The following AK5 variants were observed in gnomAD, a reference collection of about 807,000 sequenced individuals.
AK5 encodes the protein adenylate kinase isoenzyme 5.
A neutral mutation model predicts 69.5 loss-of-function variants in AK5; 27 were observed. The observed-to-expected ratio is 0.39, with a 90% CI of 0.29 to 0.54. The LOEUF (loss-of-function observed/expected upper bound fraction) is 0.54, where lower values mean the gene tolerates loss of function less well. Ranked by LOEUF, AK5 falls within the 20% of genes least tolerant of loss-of-function variation. AK5 has a pLI of 0.71. For missense variants in AK5, 531 were observed against 700.4 expected (o/e 0.76, Z 2.73); for synonymous variants, 260 against 244.4 (o/e 1.06, Z -0.60).
chr1:77,515,751 A>C (rs1468110812), intron 10 of AK5, among the ~76,000 whole-genome samples: 1 of 152,026 alleles, frequency 6.6e-6, no homozygotes, highest in African/African-American at 2.4e-5. Flanking sequence ...CTTGATCATT[A>C]AAAAAAAGGA....
intron 13 of AK5, among the ~76,000 whole-genome samples, chr1:77,543,070 G>A (rs189050939): frequency 1.5e-3 from 236 of 152,328 alleles, no homozygotes; most frequent in African/African-American, 5.0e-3. Context: ...TAGTTTGACC[G>A]TTTCCATTAG....
In AK5 at chr1:77,282,476, T is replaced by C. The variant is rs1570304054; in HGVS notation, c.60+103T>C. 9.8e-6 allele frequency: 14 copies of C among 1,433,752 alleles called. No homozygotes were observed. In the South Asian group the frequency reaches 1.3e-4, roughly 14 times the overall value. The allele number at this position is 1,433,752 out of a possible 1,614,324, so 88.8% of individuals were successfully genotyped here. The stretch of plus-strand genomic sequence containing the variant: ...CGTCCCACCTTCCCCACACGGGGCA[T>C]GTAATGAAGGGGCTTGTAGAAGCGC... On this transcript the variant is annotated intron_variant, in intron 1 of 13. Coordinates refer to ENST00000354567, the MANE Select transcript of AK5 (RefSeq NM_174858.3).
intron 8 of AK5, among the ~76,000 whole-genome samples, chr1:77,444,272 T>TAA (rs1652546734): frequency 4.8e-5 from 3 of 61,904 alleles, no homozygotes; most frequent in East Asian, 7.4e-4. Flanking sequence ...ATATATAGTA[T>TAA]ATATACACAA....
rs561009414 is a variant in AK5 at position 77,506,121 on chromosome 1, C to G, written c.1148-12443C>G. On this transcript the variant is annotated intron_variant, in intron 10 of 13. Coordinates refer to ENST00000354567, the MANE Select transcript of AK5 (RefSeq NM_174858.3). The stretch of plus-strand genomic sequence containing the variant: ...GAGTGAAGTGACTTTTGAAAAGCAG[C>G]TCTGGTCTGTCAATTTGGAAAAATA... Among the ~76,000 whole-genome samples, 7 of 152,094 alleles carry G rather than the reference C, an allele frequency of 4.6e-5. No homozygotes were observed. The East Asian group carries it at 1.4e-3, about 29-fold the overall frequency.
intron 13 of AK5, among the ~76,000 whole-genome samples, chr1:77,552,014 G>C (rs1158079633): frequency 6.6e-6 from 1 of 152,080 alleles, no homozygotes; most frequent in East Asian, 1.9e-4. Context: ...AGGCCCATCT[G>C]TGCACTTCCT....
In AK5 at chr1:77,521,817, T is replaced by G; in HGVS notation, c.1312-10T>G. The G allele has an allele frequency of 3.7e-6, 6 of 1,610,262 alleles. No individual in the cohort carries two copies. Among genetic ancestry groups the G allele is most frequent in the Non-Finnish European group, 5.1e-6 (6 of 1,176,744 alleles). ...GAGCTCAGGTCCTGACCACTCTCGC[T>G]TTGCTCCAGGGCATCGTTTTGGAGC... On this transcript the variant is annotated splice_polypyrimidine_tract_variant and intron_variant, in intron 11 of 13. Coordinates refer to ENST00000354567, the MANE Select transcript of AK5 (RefSeq NM_174858.3).
chr1:77,377,608 A>G (rs1377365530), intron 6 of AK5, among the ~76,000 whole-genome samples: 1 of 152,186 alleles, frequency 6.6e-6, no homozygotes, highest in Admixed American at 6.5e-5. Flanking sequence ...GTGTATGATC[A>G]TGTCACTCAA....
At position 77,368,280 on chromosome 1, in the gene AK5, ATG is replaced by A. The variant is rs370680803; in HGVS notation, c.891+27714_891+27715del. On this transcript the variant is annotated intron_variant, in intron 6 of 13. Transcript: ENST00000354567. ...TATATATGTTATATATATGTTATAT[ATG>A]TTATATATATGTTATATATAATATA... Among the ~76,000 whole-genome samples, 342 of 102,450 alleles carry A rather than the reference ATG, an allele frequency of 3.3e-3. 4 individuals carry two copies. The highest frequency in any genetic ancestry group is 4.5e-3 in the Non-Finnish European group (229 of 50,608). 67.2% of individuals were successfully genotyped at this position (102,450 alleles called of 152,430 possible). A position where few individuals can be genotyped will look rare whatever the true frequency, so the allele number is the denominator to read the frequency against.
chr1:77,453,685 C>T (rs1159034890), intron 8 of AK5, among the ~76,000 whole-genome samples: 1 of 152,194 alleles, frequency 6.6e-6, no homozygotes, highest in East Asian at 1.9e-4. Context: ...TCTTCCTCTT[C>T]CAAATCTCTA....
intron 6 of AK5, among the ~76,000 whole-genome samples, chr1:77,367,120 T>C (rs183259449): frequency 4.6e-5 from 7 of 152,184 alleles, no homozygotes; most frequent in Admixed American, 2.6e-4. Context: ...ATGAGTTCAT[T>C]ATTTAATAGT....
rs116657878 is a variant in AK5 at position 77,510,842 on chromosome 1, T to A, written c.1148-7722T>A. On this transcript the variant is annotated intron_variant, in intron 10 of 13. Coordinates refer to ENST00000354567, the MANE Select transcript of AK5 (RefSeq NM_174858.3). ...CATACTCAGATACCATAGAGCCTAA[T>A]AAGGAAGACAAAATTTTAAGTAAAT... Among the ~76,000 whole-genome samples, 898 of 152,032 alleles carry A rather than the reference T, an allele frequency of 5.9e-3. 16 individuals are homozygous for A. The highest frequency in any genetic ancestry group is 0.02 in the African/African-American group (846 of 41,468).
At chr1:77,430,725 A>G (rs940331819) in intron 8 of AK5, among the ~76,000 whole-genome samples, 17 of 152,226 alleles carry the variant, frequency 1.1e-4, no homozygotes, top group Non-Finnish European at 2.2e-4. Flanking sequence ...GAAAATCAGT[A>G]GAATGTGGTG....
At chr1:77,558,309 C>T (rs1660225701) in intron 13 of AK5, among the ~76,000 whole-genome samples, 1 of 152,110 alleles carries the variant, frequency 6.6e-6, no homozygotes, top group Admixed American at 6.5e-5. Flanking sequence ...ATTTTGTGTT[C>T]CCACAAGCAA....
At chr1:77,480,654 G>C (rs1376443343) in intron 8 of AK5, among the ~76,000 whole-genome samples, 1 of 152,130 alleles carries the variant, frequency 6.6e-6, no homozygotes, top group Admixed American at 6.5e-5. Flanking sequence ...ACATTACCTA[G>C]ATAGATTCAA....
intron 6 of AK5, among the ~76,000 whole-genome samples, chr1:77,365,331 T>TA (rs1171820305): frequency 3.3e-5 from 5 of 152,104 alleles, no homozygotes; most frequent in Admixed American, 6.6e-5. Context: ...TTTACTCTGT[T>TA]AAAAAAAATT....
chr1:77,297,200 T>C (rs1557472411), intron 3 of AK5, among the ~76,000 whole-genome samples: 1 of 152,350 alleles, frequency 6.6e-6, no homozygotes, highest in South Asian at 2.1e-4. Flanking sequence ...TCATTGTTTT[T>C]TATATTCCAC....
intron 6 of AK5, among the ~76,000 whole-genome samples, chr1:77,373,150 C>T (rs950801006): frequency 2.0e-5 from 3 of 152,128 alleles, no homozygotes; most frequent in Admixed American, 2.0e-4. Context: ...CGTTTATACT[C>T]CCACCAGTTG....
At chr1:77,313,973 G>C (rs1228010945) in intron 5 of AK5, 2 of 462,774 alleles carry the variant, frequency 4.3e-6, no homozygotes, top group African/African-American at 4.0e-5. Flanking sequence ...TACAGAGCTG[G>C]CTATTTGCTT....
rs535037534 is a variant in AK5 at position 77,490,639 on chromosome 1, T to C, written c.1147+4287T>C. ...CAAGATATAAGAACCTGCACTGATATACAAGACAGGAGCTCAATCACTTCT... is the reference window on the plus strand; with the variant it reads ...CAAGATATAAGAACCTGCACTGATACACAAGACAGGAGCTCAATCACTTCT... On this transcript the variant is annotated intron_variant, in intron 10 of 13. Coordinates refer to ENST00000354567, the MANE Select transcript of AK5 (RefSeq NM_174858.3). 7.2e-5 allele frequency among the ~76,000 whole-genome samples: 11 copies of C among 152,306 alleles called. No individual in the cohort carries two copies. The South Asian group carries it at 2.3e-3, about 32-fold the overall frequency.
Sources: gnomAD v4.1 joint callset for allele counts (sites outside exome capture counted in the v4.1 genomes callset) on GRCh38, gnomAD v4.1.1 for gene constraint, MANE v1.5 for transcripts, NCBI Gene and HGNC (gene_info 2026-07-23, HGNC 2026-07-21) for gene names.